CTNNA2: variants seen among roughly 807,000 people sequenced by gnomAD.
CTNNA2 encodes catenin alpha-2.
In CTNNA2, 42 loss-of-function variants were observed where a neutral mutation model predicts 101.0. The observed-to-expected ratio is 0.42, with a 90% CI of 0.32 to 0.54. The LOEUF (loss-of-function observed/expected upper bound fraction) is 0.54, where lower values mean the gene tolerates loss of function less well. CTNNA2 is among the 20% of genes least tolerant of loss of function. The probability of loss-of-function intolerance (pLI) is 0.14; values close to 1 mark genes in which losing one functional copy is unlikely to be tolerated. For synonymous variants in CTNNA2, 450 were observed against 456.4 expected, an observed-to-expected ratio of 0.99 and a Z score of 0.18; for missense variants, 871 against 1,223.1, an observed-to-expected ratio of 0.71 and a Z score of 4.29.
chr2:79,202,009 G>A (rs556589249), intron 2 of CTNNA2, among the ~76,000 whole-genome samples: 1 of 152,294 alleles, frequency 6.6e-6, no homozygotes, highest in African/African-American at 2.4e-5. Context: ...TGAAGTGGGA[G>A]CTTCCAGATT....
At chr2:79,944,954 T>C (rs1688398300) in intron 7 of CTNNA2, among the ~76,000 whole-genome samples, 1 of 152,252 alleles carries the variant, frequency 6.6e-6, no homozygotes, top group African/African-American at 2.4e-5. Context: ...TACATTGCCA[T>C]TCTCAGAAGG....
At chr2:79,209,468 T>A (rs1375294108) in intron 2 of CTNNA2, among the ~76,000 whole-genome samples, 1 of 152,256 alleles carries the variant, frequency 6.6e-6, no homozygotes, top group Non-Finnish European at 1.5e-5. Context: ...GAACTGGTTA[T>A]AACATCTACC....
intron 2 of CTNNA2, among the ~76,000 whole-genome samples, chr2:79,689,350 A>G (rs1335286366): frequency 1.3e-5 from 2 of 151,988 alleles, no homozygotes; most frequent in East Asian, 3.9e-4. Context: ...ATCTGTCACA[A>G]GACTCTGGGC....
chr2:80,591,723 T>G (rs1350665577), intron 15 of CTNNA2, among the ~76,000 whole-genome samples: 1 of 152,112 alleles, frequency 6.6e-6, no homozygotes, highest in Non-Finnish European at 1.5e-5. Context: ...GGCATGTGGG[T>G]ACACAATACC....
At chr2:79,905,475 C>A (rs955380548) in intron 6 of CTNNA2, among the ~76,000 whole-genome samples, 1 of 152,302 alleles carries the variant, frequency 6.6e-6, no homozygotes, top group South Asian at 2.1e-4. Context: ...AAGAGCCGGT[C>A]ACAGGAGCAT....
intron 2 of CTNNA2, among the ~76,000 whole-genome samples, chr2:79,665,985 G>A (rs575955946): frequency 3.3e-5 from 5 of 152,052 alleles, no homozygotes; most frequent in East Asian, 1.9e-4. Flanking sequence ...TATTTAACAC[G>A]AACTCCCAGT....
chr2:79,335,614 A>T (rs1347740782), intron 3 of CTNNA2, among the ~76,000 whole-genome samples: 1 of 152,226 alleles, frequency 6.6e-6, no homozygotes, highest in African/African-American at 2.4e-5. Context: ...CAAAATTTCT[A>T]GACATAAAAA....
intron 1 of CTNNA2, among the ~76,000 whole-genome samples, chr2:79,513,917 G>A (rs991064961): frequency 1.3e-5 from 2 of 152,110 alleles, no homozygotes; most frequent in African/African-American, 4.8e-5. Flanking sequence ...GAGAAGAGAG[G>A]AAAGGAACAA....
intron 7 of CTNNA2, among the ~76,000 whole-genome samples, chr2:79,910,024 C>T (rs1685677790): frequency 6.6e-6 from 1 of 152,118 alleles, no homozygotes; most frequent in Non-Finnish European, 1.5e-5. Flanking sequence ...GGAGAATAAG[C>T]TCTTTCACTT....
At position 80,303,763 on chromosome 2, in the gene CTNNA2, C is replaced by T. The variant is rs759019705; in HGVS notation, c.1057-89448C>T. 6.4e-7 allele frequency: 1 copy of T among 1,571,160 alleles called. No individual in the cohort carries two copies. The highest frequency in any genetic ancestry group is 8.6e-7 in the Non-Finnish European group (1 of 1,160,022). On this transcript the variant is annotated intron_variant, in intron 7 of 18. Coordinates refer to ENST00000402739, the MANE Select transcript of CTNNA2 (RefSeq NM_001282597.3). The surrounding 1 kb of genome is among the most constrained non-coding windows in gnomAD (Gnocchi z 7.7). ...AGGCCCCCAGCAGACACAAGACCAC[C>T]CCCGAGGGCCTCCTCAGCAGCCAGT... is the stretch of plus-strand genomic sequence containing the variant.
chr2:80,152,969 A>G (rs1703797268), intron 7 of CTNNA2, among the ~76,000 whole-genome samples: 1 of 152,242 alleles, frequency 6.6e-6, no homozygotes, highest in African/African-American at 2.4e-5. Context: ...AAATAGCTAT[A>G]GAAGTCCTCA....
At chr2:79,323,706 G>A (rs1279452214) in intron 3 of CTNNA2, among the ~76,000 whole-genome samples, 1 of 152,168 alleles carries the variant, frequency 6.6e-6, no homozygotes, top group African/African-American at 2.4e-5. Context: ...CAGGATTAGG[G>A]ATGTAATATA....
At chr2:80,187,530 A>G (rs988748284) in intron 7 of CTNNA2, among the ~76,000 whole-genome samples, 1 of 152,236 alleles carries the variant, frequency 6.6e-6, no homozygotes, top group African/African-American at 2.4e-5. Flanking sequence ...TTCCTTTTTT[A>G]CAGAAAACAT....
chr2:80,157,161 C>T (rs982077346), intron 7 of CTNNA2, among the ~76,000 whole-genome samples: 3 of 152,142 alleles, frequency 2.0e-5, no homozygotes, highest in Admixed American at 2.0e-4. Context: ...TCCTCTTCAT[C>T]TCAGGGTAGA....
chr2:79,788,352 T>C (rs139060334), intron 3 of CTNNA2, among the ~76,000 whole-genome samples: 19 of 152,242 alleles, frequency 1.2e-4, no homozygotes, highest in Middle Eastern at 3.4e-3. Context: ...CTGTGTGGAC[T>C]TGGAAGTGTT....
At chr2:79,437,761 C>G (rs1678733082) in intron 4 of CTNNA2, among the ~76,000 whole-genome samples, 1 of 152,180 alleles carries the variant, frequency 6.6e-6, no homozygotes, top group African/African-American at 2.4e-5. Flanking sequence ...GTTTCACTTT[C>G]TTTTTCATCC....
chr2:79,951,243 C>G (rs1290394181), intron 7 of CTNNA2, among the ~76,000 whole-genome samples: 2 of 152,160 alleles, frequency 1.3e-5, no homozygotes, highest in African/African-American at 4.8e-5. Context: ...GTGGGACTTA[C>G]TAAAAAAGTA....
intron 7 of CTNNA2, among the ~76,000 whole-genome samples, chr2:80,219,657 C>A (rs1708465003): frequency 6.6e-6 from 1 of 152,092 alleles, no homozygotes; most frequent in Non-Finnish European, 1.5e-5. Context: ...TTTGCCCATT[C>A]TATTTCCTCA....
At position 80,247,957 on chromosome 2, in the gene CTNNA2, C is replaced by T. The variant is rs1037480391; in HGVS notation, c.1057-145254C>T. Reference sequence around the variant, plus strand: ...ATCTAGAATTTCTTACTGAAGCAATCTGCATGTTAGAATTCTAAAAGCCTT... The same window carrying T: ...ATCTAGAATTTCTTACTGAAGCAATTTGCATGTTAGAATTCTAAAAGCCTT... On this transcript the variant is annotated intron_variant, in intron 7 of 18. Coordinates refer to ENST00000402739, the MANE Select transcript of CTNNA2 (RefSeq NM_001282597.3). Among the ~76,000 whole-genome samples, 3 of 140,380 alleles carry T rather than the reference C, an allele frequency of 2.1e-5. No individual in the cohort carries two copies. The South Asian group carries it at 7.3e-4, about 34-fold the overall frequency. 92.1% of individuals were successfully genotyped at this position (140,380 alleles called of 152,430 possible).
Sources: allele counts gnomAD v4.1 joint callset (sites outside exome capture counted in the v4.1 genomes callset), GRCh38; gene constraint gnomAD v4.1.1; non-coding constraint Gnocchi (gnomAD v3.1); transcripts MANE v1.5; gene names NCBI Gene and HGNC (gene_info 2026-07-23, HGNC 2026-07-21).